The following EFCAB6 variants were observed in gnomAD, a reference collection of about 807,000 sequenced individuals.
EFCAB6 encodes the protein EF-hand calcium binding domain 6.
Under a neutral mutation model 169.8 loss-of-function variants are expected in EFCAB6, and 156 were observed. The observed-to-expected ratio is 0.92, with a 90% CI of 0.81 to 1.05. The LOEUF (loss-of-function observed/expected upper bound fraction) is 1.05, where lower values mean the gene tolerates loss of function less well. Among genes scored for constraint, EFCAB6 ranks in the 50% least tolerant of loss-of-function variants. The pLI is 0.00. For missense variants in EFCAB6, 1,800 were observed against 1,829.1 expected, an observed-to-expected ratio of 0.98 and a Z score of 0.29; for synonymous variants, 698 against 676.4, an observed-to-expected ratio of 1.03 and a Z score of -0.50.
chr22:43,541,658 C>T (rs1322935783), intron 27 of EFCAB6, among the ~76,000 whole-genome samples: 1 of 152,248 alleles, frequency 6.6e-6, no homozygotes, highest in Non-Finnish European at 1.5e-5. Flanking sequence ...CAGACCTCAC[C>T]GGCACCAAGT....
intron 22 of EFCAB6, among the ~76,000 whole-genome samples, chr22:43,601,126 C>A (rs1344863029): frequency 6.6e-6 from 1 of 152,072 alleles, no homozygotes; most frequent in African/African-American, 2.4e-5. Flanking sequence ...GAAGAGATGC[C>A]AATTACATAC....
At chr22:43,626,013 C>A (rs1011205181) in intron 20 of EFCAB6, among the ~76,000 whole-genome samples, 1 of 151,678 alleles carries the variant, frequency 6.6e-6, no homozygotes, top group African/African-American at 2.4e-5. Context: ...ATTTTTGAAC[C>A]CAGATTAATA....
intron 27 of EFCAB6, among the ~76,000 whole-genome samples, chr22:43,551,392 T>G (rs1413712612): frequency 2.0e-5 from 3 of 152,344 alleles, no homozygotes; most frequent in African/African-American, 7.2e-5. Flanking sequence ...CGGTCTTTAC[T>G]TTCAATGGCA....
Position 43,734,654 on chromosome 22 carries a change from C to G in EFCAB6, c.644+1203G>C, listed in dbSNP as rs138687074. ...TAATTTGTTTTGTTTGGATCTTATT[C>G]TGGACACTTTCCCAGCCGGAAAAGA... On this transcript the variant is annotated intron_variant, in intron 7 of 31. Transcript: ENST00000262726. 1.1e-4 allele frequency among the ~76,000 whole-genome samples: 16 copies of G among 151,918 alleles called. No individual in the cohort carries two copies. The East Asian group carries it at 2.9e-3, about 28-fold the overall frequency.
chr22:43,604,314 A>C (rs2052755556), intron 22 of EFCAB6, among the ~76,000 whole-genome samples: 1 of 152,156 alleles, frequency 6.6e-6, no homozygotes, highest in Non-Finnish European at 1.5e-5. Context: ...AAGATCAGAC[A>C]CCATCTGCTC....
intron 10 of EFCAB6, among the ~76,000 whole-genome samples, chr22:43,700,902 A>G (rs2058743720): frequency 6.6e-6 from 1 of 152,198 alleles, no homozygotes; most frequent in Non-Finnish European, 1.5e-5. Context: ...GTTTCAAGTG[A>G]TCATGAAGAG....
intron 26 of EFCAB6, among the ~76,000 whole-genome samples, chr22:43,574,064 GA>G (rs1946620897): frequency 6.6e-6 from 1 of 151,764 alleles, no homozygotes; most frequent in South Asian, 2.1e-4. Flanking sequence ...TCTTTCCTAA[GA>G]AATGAACCCA....
intron 18 of EFCAB6, 46 bp from the exon 19 acceptor site, chr22:43,632,284 T>C (rs199940880): frequency 1.3e-5 from 20 of 1,527,428 alleles, no homozygotes; most frequent in African/African-American, 1.5e-5. Flanking sequence ...GCCCATCAGC[T>C]TCATTCCTTC....
intron 17 of EFCAB6, among the ~76,000 whole-genome samples, chr22:43,640,007 T>C (rs1279414788): frequency 6.6e-6 from 1 of 152,198 alleles, no homozygotes; most frequent in African/African-American, 2.4e-5. Context: ...ATAATTTCTA[T>C]TTCTCTGCTG....
At chr22:43,719,004 CT>C (rs2059430429) in intron 8 of EFCAB6, among the ~76,000 whole-genome samples, 1 of 152,172 alleles carries the variant, frequency 6.6e-6, no homozygotes, top group African/African-American at 2.4e-5. Flanking sequence ...CTCAGTCCAC[CT>C]GTGACACTGG....
chr22:43,660,086 T>C (rs1056856427), intron 17 of EFCAB6, among the ~76,000 whole-genome samples: 30 of 152,174 alleles, frequency 2.0e-4, no homozygotes, highest in Admixed American at 1.6e-3. Context: ...AGCTGAACAA[T>C]GTCCAATGTG....
chr22:43,700,038 T>C (rs1323816243), intron 10 of EFCAB6, among the ~76,000 whole-genome samples: 2 of 152,166 alleles, frequency 1.3e-5, no homozygotes, highest in Non-Finnish European at 2.9e-5. Flanking sequence ...TAAACACAGG[T>C]TTTATTTTTA....
intron 10 of EFCAB6, among the ~76,000 whole-genome samples, chr22:43,700,008 T>A (rs2058710231): frequency 6.6e-6 from 1 of 152,202 alleles, no homozygotes; most frequent in Admixed American, 6.5e-5. Context: ...TCTCAACTCT[T>A]CCTTAAACCT....
rs2052588186 is a variant in EFCAB6 at position 43,602,409 on chromosome 22, A to G, written c.2682-2146T>C. Among the ~76,000 whole-genome samples the G allele has an allele frequency of 2.0e-5, 3 of 152,206 alleles. No individual in the cohort carries two copies. In the East Asian group the frequency reaches 5.8e-4, roughly 29 times the overall value. On this transcript the variant is annotated intron_variant, in intron 22 of 31. Transcript: ENST00000262726. ...GGTCTCAGCAGCACCATCAGGGGCA[A>G]GCGCCTCCAGCAAGGGCTTCCCTGT...
chr22:43,671,892 AAC>A, intron 15 of EFCAB6, 79 bp downstream of exon 15: 2 of 1,508,492 alleles, frequency 1.3e-6, no homozygotes, highest in African/African-American at 2.8e-5. Flanking sequence ...ATATTTCAAA[AAC>A]ACACAGAAAA....
intron 7 of EFCAB6, among the ~76,000 whole-genome samples, chr22:43,733,044 T>G (rs1275576733): frequency 6.6e-6 from 1 of 152,240 alleles, no homozygotes; most frequent in African/African-American, 2.4e-5. Flanking sequence ...AGTAATGCCA[T>G]GTAGTTATTT....
intron 2 of EFCAB6, among the ~76,000 whole-genome samples, chr22:43,794,667 T>C (rs890905974): frequency 1.3e-5 from 2 of 152,144 alleles, no homozygotes; most frequent in African/African-American, 4.8e-5. Flanking sequence ...AGAGAACATG[T>C]AGAAAATTAA....
At chr22:43,716,999 A>T (rs1194138996) in intron 8 of EFCAB6, 27 bp from the exon 9 acceptor site, 4 of 1,457,410 alleles carry the variant, frequency 2.7e-6, no homozygotes, top group Non-Finnish European at 2.7e-6. Context: ...GCTTCGGCTT[A>T]TCAACATTGT....
Position 43,676,145 on chromosome 22 carries a change from C to T in EFCAB6, c.1419+1851G>A, listed in dbSNP as rs369678200. Among the ~76,000 whole-genome samples, 28 of 151,910 alleles carry T rather than the reference C, an allele frequency of 1.8e-4. 1 individual carries two copies. The highest frequency in any genetic ancestry group is 1.4e-3 in the East Asian group (7 of 5,178). On this transcript the variant is annotated intron_variant, in intron 13 of 31. Transcript: ENST00000262726. ...TACAAAAATGAGTTCAGGCCAGGCG[C>T]GGTGGCTCAAGCCTGTAATCCCAGC...
Sources: allele counts gnomAD v4.1 joint callset (sites outside exome capture counted in the v4.1 genomes callset), GRCh38; gene constraint gnomAD v4.1.1; transcripts MANE v1.5; gene names NCBI Gene and HGNC (gene_info 2026-07-23, HGNC 2026-07-21).